Variants in PPA1 observed in about 807,000 individuals in gnomAD.
The protein encoded by PPA1 is inorganic pyrophosphatase 1.
A neutral mutation model predicts 41.8 loss-of-function variants in PPA1; 23 were observed. The observed-to-expected ratio is 0.55, with a 90% confidence interval of 0.40 to 0.78. The LOEUF (loss-of-function observed/expected upper bound fraction) is 0.78. Ranked by LOEUF, PPA1 falls within the 30% of genes least tolerant of loss-of-function variation. The pLI is 0.00. For missense variants in PPA1, 320 were observed against 361.6 expected (o/e 0.89, Z 0.93); for synonymous variants, 101 against 116.8 (o/e 0.86, Z 0.87).
chr10:70,213,927 T>C (rs188789340), intron 5 of PPA1, among the ~76,000 whole-genome samples: 40 of 152,338 alleles, frequency 2.6e-4, no homozygotes, highest in Non-Finnish European at 5.4e-4. Context: ...CCTTTTATTT[T>C]ATAAAAGTCA....
At chr10:70,228,026 T>C (rs1840251131) in intron 2 of PPA1, among the ~76,000 whole-genome samples, 1 of 152,132 alleles carries the variant, frequency 6.6e-6, no homozygotes, top group Non-Finnish European at 1.5e-5. Flanking sequence ...TAACTTCCTT[T>C]AAAACAAAAC....
intron 4 of PPA1, among the ~76,000 whole-genome samples, chr10:70,216,556 G>C (rs1367787090): frequency 1.3e-5 from 2 of 151,950 alleles, no homozygotes; most frequent in African/African-American, 4.8e-5. Context: ...AAATGACTTT[G>C]TGCTTACCTA....
At chr10:70,228,980 A>G (rs1386366070) in intron 2 of PPA1, among the ~76,000 whole-genome samples, 1 of 152,220 alleles carries the variant, frequency 6.6e-6, no homozygotes, top group Non-Finnish European at 1.5e-5. Context: ...AAAGAAAGTC[A>G]ATAACCTATG....
At chr10:70,220,955 AAT>A (rs1469951830) in intron 2 of PPA1, among the ~76,000 whole-genome samples, 2 of 9,578 alleles carry the variant, frequency 2.1e-4, no homozygotes, top group Admixed American at 2.2e-3. Flanking sequence ...ATTTATATAT[AAT>A]ATATATAATT....
chr10:70,203,628 G>C (rs113518772), intron 10 of PPA1: 1 of 157,512 alleles, frequency 6.3e-6, no homozygotes. Context: ...GGCTGGTCTC[G>C]AACTCCTGGG....
chr10:70,218,976 A>C (rs1238026901), intron 2 of PPA1, among the ~76,000 whole-genome samples, 159 bp from the exon 3 acceptor site: 2 of 152,250 alleles, frequency 1.3e-5, no homozygotes, highest in Non-Finnish European at 2.9e-5. Flanking sequence ...ATGATGGATG[A>C]AGAAATAATG....
chr10:70,225,304 G>A (rs531193219), intron 2 of PPA1, among the ~76,000 whole-genome samples: 75 of 152,004 alleles, frequency 4.9e-4, no homozygotes, highest in African/African-American at 1.6e-3. Flanking sequence ...TGCAACCTCC[G>A]TCTCCGGGGC....
chr10:70,230,624 C>T (rs1432649393), intron 1 of PPA1, among the ~76,000 whole-genome samples: 6 of 152,056 alleles, frequency 3.9e-5, no homozygotes, highest in Admixed American at 6.6e-5. Context: ...TGAGCCACTA[C>T]GTCTGGCTAA....
chr10:70,226,219 T>G (rs962850366), intron 2 of PPA1, among the ~76,000 whole-genome samples: 1 of 152,232 alleles, frequency 6.6e-6, no homozygotes, highest in East Asian at 1.9e-4. Context: ...CTGTATTTGC[T>G]ACTACACACT....
chr10:70,206,318 C>T lies in PPA1; in HGVS notation c.741G>A (p.Leu247=). Residue 247 remains leucine (L), a synonymous_variant, in exon 9 of 11, where the codon TTG becomes TTA. Transcript: ENST00000373232. The stretch of plus-strand genomic sequence containing the variant: ...GATCACACTTGAAGGGGCTCTCAGA[C>T]AAAGTTGTATTCATGCTATTAAATA... ...GKGISCMNTT[L]SESPFKCDPD... The T allele has an allele frequency of 6.2e-7, 1 of 1,612,314 alleles. No homozygotes were observed. The highest frequency in any genetic ancestry group is 8.5e-7 in the Non-Finnish European group (1 of 1,178,602).
chr10:70,218,542 A>C lies in PPA1; in HGVS notation c.177+222T>G, dbSNP rs113273295. 1,287 of 515,968 alleles carry C rather than the reference A, an allele frequency of 2.5e-3. 5 individuals carry two copies. The highest frequency in any genetic ancestry group is 3.9e-3 in the Non-Finnish European group (1,139 of 291,612). The allele number at this position is 515,968 out of a possible 1,614,324, so 32.0% of individuals were successfully genotyped here. A position where few individuals can be genotyped will look rare whatever the true frequency, so the allele number is the denominator to read the frequency against. ...TCTAGGCTTTGGGAACATTGGAAGC[A>C]AAGATGTTGGGAAGAAAAGTTTGGG... On this transcript the variant is annotated intron_variant, in intron 3 of 10. Coordinates refer to ENST00000373232, the MANE Select transcript of PPA1 (RefSeq NM_021129.4).
At chr10:70,209,318 A>G (rs774599020) in intron 7 of PPA1, 28 bp from the exon 8 acceptor site, 2 of 1,505,352 alleles carry the variant, frequency 1.3e-6, no homozygotes, top group African/African-American at 1.4e-5. Flanking sequence ...TTGCATTACA[A>G]TGATAAAAAG....
intron 6 of PPA1, among the ~76,000 whole-genome samples, chr10:70,211,910 T>C (rs966908420): frequency 4.0e-4 from 61 of 152,346 alleles, no homozygotes; most frequent in South Asian, 4.1e-4. Context: ...CATTAAAGGA[T>C]TGGCATTCTT....
At chr10:70,206,908 G>A (rs1449631838) in intron 8 of PPA1, among the ~76,000 whole-genome samples, 3 of 97,580 alleles carry the variant, frequency 3.1e-5, no homozygotes, top group African/African-American at 4.5e-5. Flanking sequence ...AGGAGAGGAC[G>A]AAAGAAACTG....
rs1249465471 is a variant in PPA1 at position 70,209,016 on chromosome 10, A to C, written c.725+189T>G. On this transcript the variant is annotated intron_variant, in intron 8 of 10. Coordinates refer to ENST00000373232, the MANE Select transcript of PPA1 (RefSeq NM_021129.4). ...TCCATGTTGTCCAGGCTGGTCTTCA[A>C]CTCCTGGGCTCAAGCAATCCATCCA... 6.6e-6 allele frequency among the ~76,000 whole-genome samples: 1 copy of C among 151,742 alleles called. No homozygotes were observed. The highest frequency in any genetic ancestry group is 2.4e-5 in the African/African-American group (1 of 41,308).
chr10:70,213,637 T>C (rs1840047018), intron 5 of PPA1, 48 bp from the exon 6 acceptor site: 1 of 1,561,124 alleles, frequency 6.4e-7, no homozygotes, highest in Non-Finnish European at 8.7e-7. Context: ...AACCACACTC[T>C]AGAAGACAGT....
intron 2 of PPA1, among the ~76,000 whole-genome samples, chr10:70,223,219 G>GAGAC (rs79390960): frequency 6.6e-6 from 1 of 151,134 alleles, no homozygotes; most frequent in Non-Finnish European, 1.5e-5. Context: ...TTTTTTTAAA[G>GAGAC]AGAGAGAGAG....
chr10:70,213,726 T>A, intron 5 of PPA1, 137 bp from the exon 6 acceptor site: 1 of 1,028,092 alleles, frequency 9.7e-7, no homozygotes, highest in Non-Finnish European at 1.4e-6. Context: ...AAGCAAATTT[T>A]AAAAACCTAA....
intron 9 of PPA1, 136 bp from the exon 10 acceptor site, chr10:70,205,051 G>C: frequency 1.6e-6 from 1 of 634,186 alleles, no homozygotes; most frequent in Non-Finnish European, 2.7e-6. Flanking sequence ...TAATATATAG[G>C]AACAATAGAA....
Sources: gnomAD v4.1 joint callset for allele counts (sites outside exome capture counted in the v4.1 genomes callset) on GRCh38, gnomAD v4.1.1 for gene constraint, MANE v1.5 for transcripts, NCBI Gene and HGNC (gene_info 2026-07-23, HGNC 2026-07-21) for gene names.